Variants in DYM observed in about 807,000 individuals in gnomAD.
DYM encodes the protein dymeclin, also known as dyggve-Melchior-Clausen syndrome protein.
DYM carries 78 observed loss-of-function variants against 93.1 expected under a neutral mutation model. The observed-to-expected ratio is 0.84, with a 90% CI of 0.70 to 1.01. DYM has a LOEUF of 1.01. Among genes scored for constraint, DYM ranks in the 50% least tolerant of loss-of-function variants. The pLI is 0.00. For missense variants in DYM, 789 were observed against 845.0 expected (o/e 0.93, Z 0.82); for synonymous variants, 321 against 319.7 (o/e 1.00, Z -0.04).
intron 17 of DYM, among the ~76,000 whole-genome samples, chr18:49,055,431 A>G (rs2075391704): frequency 6.6e-6 from 1 of 152,210 alleles, no homozygotes; most frequent in African/African-American, 2.4e-5. Context: ...TGCATTACTG[A>G]GTCAAACTGC....
At position 49,118,748 on chromosome 18, in the gene DYM, T is replaced by C. The variant is rs564688185; in HGVS notation, c.1907A>G (p.Asp636Gly). Residue 636 changes from aspartate (D) to glycine (G), a missense_variant, in exon 16 of 18, where the codon GAT becomes GGT. By Grantham distance (94) the Asp-to-Gly change is moderately conservative. Around this residue, in one of 3 missense-constraint regions of DYM, gnomAD observed 114 missense variants for 105.8 expected, o/e 1.08. Coordinates refer to ENST00000675505, the MANE Select transcript of DYM (RefSeq NM_001353214.3). ...AATGTCTTCATTTACACTCACCAGATCAATATTTTGCATTATATCCTGAAA... is the reference window on the plus strand; with the variant it reads ...AATGTCTTCATTTACACTCACCAGACCAATATTTTGCATTATATCCTGAAA... Reference protein sequence around the residue: ...PSFQDIMQNIDLVISFFSSRL... With the variant: ...PSFQDIMQNIGLVISFFSSRL... 1.9e-6 allele frequency: 3 copies of C among 1,613,228 alleles called. No homozygotes were observed. In the East Asian group the frequency reaches 6.7e-5, roughly 36 times the overall value.
chr18:49,165,258 G>T (rs947775393), intron 14 of DYM, among the ~76,000 whole-genome samples: 14 of 151,948 alleles, frequency 9.2e-5, no homozygotes, highest in African/African-American at 3.4e-4. Flanking sequence ...CCTAATAAAA[G>T]AACTTCAGAG....
At chr18:49,234,324 A>T (rs1383980007) in intron 13 of DYM, among the ~76,000 whole-genome samples, 2 of 151,848 alleles carry the variant, frequency 1.3e-5, no homozygotes, top group African/African-American at 4.8e-5. Context: ...GGGCATGGTG[A>T]TGTATGCCTG....
chr18:49,094,109 CT>C (rs2079331721), intron 17 of DYM, among the ~76,000 whole-genome samples: 1 of 152,194 alleles, frequency 6.6e-6, no homozygotes, highest in Admixed American at 6.5e-5. Flanking sequence ...TTGAAAAGCA[CT>C]ACCTAGTTTT....
intron 1 of DYM, among the ~76,000 whole-genome samples, chr18:49,449,558 G>C (rs1297630000): frequency 6.6e-6 from 1 of 152,088 alleles, no homozygotes; most frequent in Non-Finnish European, 1.5e-5. Flanking sequence ...CCTTAAAATG[G>C]TTGACTTAGA....
chr18:49,168,669 C>T (rs551782979), intron 14 of DYM, among the ~76,000 whole-genome samples: 1 of 152,200 alleles, frequency 6.6e-6, no homozygotes, highest in East Asian at 1.9e-4. Flanking sequence ...ACATGGCTCC[C>T]CGCCCCCAAG....
intron 3 of DYM, among the ~76,000 whole-genome samples, chr18:49,380,039 T>C (rs1402049014): frequency 6.6e-6 from 1 of 152,066 alleles, no homozygotes; most frequent in Non-Finnish European, 1.5e-5. Context: ...AAATAGTTAA[T>C]AGACACATTC....
At chr18:49,431,411 G>A (rs1394730744) in intron 1 of DYM, among the ~76,000 whole-genome samples, 2 of 152,178 alleles carry the variant, frequency 1.3e-5, no homozygotes, top group East Asian at 3.8e-4. Context: ...GAAGGAACAA[G>A]GGAGTGAATA....
chr18:49,333,312 C>T (rs1255098245), intron 7 of DYM, among the ~76,000 whole-genome samples: 3 of 152,040 alleles, frequency 2.0e-5, no homozygotes, highest in Non-Finnish European at 4.4e-5. Context: ...GAATAGTCAG[C>T]GAAGAGGCTG....
intron 8 of DYM, among the ~76,000 whole-genome samples, chr18:49,323,156 G>A (rs776908784): frequency 5.3e-5 from 8 of 152,048 alleles, no homozygotes; most frequent in Non-Finnish European, 1.2e-4. Flanking sequence ...TACACATTTT[G>A]GCCTGTTTTG....
intron 13 of DYM, among the ~76,000 whole-genome samples, chr18:49,250,125 G>A (rs1161019986): frequency 6.6e-6 from 1 of 152,110 alleles, no homozygotes; most frequent in Non-Finnish European, 1.5e-5. Context: ...CAGAATAGTG[G>A]GTGCCAGAAC....
At chr18:49,255,535 T>C (rs1269858329) in intron 13 of DYM, among the ~76,000 whole-genome samples, 1 of 151,632 alleles carries the variant, frequency 6.6e-6, no homozygotes, top group East Asian at 1.9e-4. Flanking sequence ...TAGCCAGGCG[T>C]GGTGGCGTGT....
At chr18:49,298,911 T>C (rs1271611087) in intron 8 of DYM, among the ~76,000 whole-genome samples, 2 of 152,134 alleles carry the variant, frequency 1.3e-5, no homozygotes, top group Non-Finnish European at 2.9e-5. Context: ...GGAAACAAAA[T>C]AAATGTAAAA....
intron 17 of DYM, among the ~76,000 whole-genome samples, chr18:49,079,751 C>G (rs929358730): frequency 6.6e-6 from 1 of 151,856 alleles, no homozygotes; most frequent in African/African-American, 2.4e-5. Context: ...GATCCCAAGG[C>G]AGAAGAATTT....
At chr18:49,381,343 C>G (rs1384852742) in intron 3 of DYM, among the ~76,000 whole-genome samples, 2 of 152,160 alleles carry the variant, frequency 1.3e-5, no homozygotes, top group Admixed American at 1.3e-4. Context: ...TTACAGCATA[C>G]CTGCATTGTG....
At chr18:49,292,325 C>A (rs907399402) in intron 8 of DYM, among the ~76,000 whole-genome samples, 1 of 84,830 alleles carries the variant, frequency 1.2e-5, no homozygotes, top group African/African-American at 3.9e-5. Flanking sequence ...GGCAGGCAGG[C>A]AGGCAGGCAG....
intron 17 of DYM, among the ~76,000 whole-genome samples, chr18:49,077,863 C>T (rs1024681000): frequency 6.6e-6 from 1 of 152,254 alleles, no homozygotes; most frequent in East Asian, 1.9e-4. Flanking sequence ...CCTTTGCAGA[C>T]AGTATATAGT....
intron 13 of DYM, among the ~76,000 whole-genome samples, chr18:49,228,995 A>G (rs1488479138): frequency 6.6e-6 from 1 of 152,172 alleles, no homozygotes; most frequent in Admixed American, 6.5e-5. Flanking sequence ...TTTTAAGAAA[A>G]TTAACCAATG....
intron 17 of DYM, among the ~76,000 whole-genome samples, chr18:49,088,344 T>C (rs1204124954): frequency 6.6e-6 from 1 of 152,096 alleles, no homozygotes; most frequent in Non-Finnish European, 1.5e-5. Flanking sequence ...GCTAGCCAGT[T>C]TTCCCAGCAC....
Sources: gnomAD v4.1 joint callset for allele counts (sites outside exome capture counted in the v4.1 genomes callset) on GRCh38, gnomAD v4.1.1 for gene constraint, gnomAD v4.1.1 regional missense constraint, MANE v1.5 for transcripts, NCBI Gene and HGNC (gene_info 2026-07-23, HGNC 2026-07-21) for gene names.